NFIC: variants seen among roughly 807,000 people sequenced by gnomAD.
NFIC encodes the protein nuclear factor 1 C-type.
NFIC carries 12 observed loss-of-function variants against 54.4 expected under a neutral mutation model. The ratio of observed to expected loss-of-function variants is 0.22; its 90% CI spans 0.14 to 0.36. NFIC has a LOEUF of 0.36. Among genes scored for constraint, NFIC ranks in the 10% least tolerant of loss-of-function variants. The pLI is 1.00. For missense variants in NFIC, 575 were observed against 718.2 expected, an observed-to-expected ratio of 0.80 and a Z score of 2.28; for synonymous variants, 322 against 319.2, an observed-to-expected ratio of 1.01 and a Z score of -0.09.
intron 2 of NFIC, among the ~76,000 whole-genome samples, chr19:3,392,429 C>A (rs1229392610): frequency 6.6e-6 from 1 of 152,220 alleles, no homozygotes; most frequent in Non-Finnish European, 1.5e-5. Context: ...GTGCTGGGAA[C>A]TGGTAGGCTC....
At chr19:3,408,684 C>T (rs1349276834) in intron 2 of NFIC, among the ~76,000 whole-genome samples, 28 of 152,262 alleles carry the variant, frequency 1.8e-4, no homozygotes, top group Non-Finnish European at 3.4e-4. Context: ...TCACTACAAC[C>T]TCCGCCTCCT....
At chr19:3,406,155 C>T (rs1377187544) in intron 2 of NFIC, among the ~76,000 whole-genome samples, 3 of 152,032 alleles carry the variant, frequency 2.0e-5, no homozygotes, top group Admixed American at 6.6e-5. Context: ...TGCAATGGCA[C>T]GATTTTGGCT....
At chr19:3,363,930 C>A (rs1026426866), upstream of NFIC, among the ~76,000 whole-genome samples, 4 of 152,234 alleles carry the variant, frequency 2.6e-5, no homozygotes, top group Admixed American at 6.5e-5. Flanking sequence ...TCTGTCCCCC[C>A]ACTTGTCTCT....
At chr19:3,361,972 C>T (rs1233288515), upstream of NFIC, among the ~76,000 whole-genome samples, 5 of 152,166 alleles carry the variant, frequency 3.3e-5, no homozygotes, top group Non-Finnish European at 5.9e-5. Flanking sequence ...CACACACAGG[C>T]GTGCACAGAC....
At chr19:3,435,050 G>A (rs1447308569) in intron 5 of NFIC, 33 bp from the exon 6 acceptor site, 1 of 1,546,312 alleles carries the variant, frequency 6.5e-7, no homozygotes, top group South Asian at 1.2e-5. Context: ...CGTCTCCCTG[G>A]TAACCAGCCT....
At chr19:3,389,236 G>A (rs566967519) in intron 2 of NFIC, among the ~76,000 whole-genome samples, 2 of 152,286 alleles carry the variant, frequency 1.3e-5, no homozygotes, top group African/African-American at 2.4e-5. Context: ...CCCTGAGCTT[G>A]ATGGCAGGAG....
chr19:3,379,997 TTTTTG>T, intron 1 of NFIC, among the ~76,000 whole-genome samples: 1 of 150,824 alleles, frequency 6.6e-6, no homozygotes, highest in South Asian at 2.1e-4. Context: ...CCCTAGTTTT[TTTTTG>T]TTTTGTTTTG....
chr19:3,386,146 G>A (rs541932992), intron 2 of NFIC, among the ~76,000 whole-genome samples: 1 of 151,842 alleles, frequency 6.6e-6, no homozygotes, highest in South Asian at 2.1e-4. Context: ...CAGCACTTTG[G>A]GAGGCCAAGG....
At chr19:3,391,271 A>C (rs2081373088) in intron 2 of NFIC, among the ~76,000 whole-genome samples, 2 of 152,202 alleles carry the variant, frequency 1.3e-5, no homozygotes, top group African/African-American at 4.8e-5. Context: ...ACCCCCACCA[A>C]AAAATGGTAA....
Position 3,463,620 on chromosome 19 carries a change from G to GCCCCCCCC in NFIC, c.*855_*856insCCCCCCCC. On this transcript the variant is annotated 3_prime_UTR_variant, in exon 11 of 11. Transcript: ENST00000443272. ...AGAAGTCTCTATGCAATTGGCCCCG[G>GCCCCCCCC]CCCCTCCACCCCCCACCCCCGGCAT... 1.1e-6 allele frequency: 1 copy of GCCCCCCCC among 881,820 alleles called. No homozygotes were observed. Among genetic ancestry groups the GCCCCCCCC allele is most frequent in the Non-Finnish European group, 1.4e-6 (1 of 738,566 alleles). The allele number at this position is 881,820 out of a possible 1,614,324, so 54.6% of individuals were successfully genotyped here.
intron 6 of NFIC, among the ~76,000 whole-genome samples, chr19:3,438,162 A>G (rs2082234489): frequency 6.6e-6 from 1 of 152,222 alleles, no homozygotes; most frequent in Admixed American, 6.5e-5. Flanking sequence ...TAAAGAATCT[A>G]GCTTTCAACA....
rs1261271127 is a variant in NFIC, at chr19:3,369,305, C to T, written c.30+2639C>T. Among the ~76,000 whole-genome samples, 1 of 151,446 alleles carries T rather than the reference C, an allele frequency of 6.6e-6. No homozygotes were observed. The highest frequency in any genetic ancestry group is 2.4e-5 in the African/African-American group (1 of 41,330). On this transcript the variant is annotated intron_variant, in intron 1 of 10. Transcript: ENST00000443272. The surrounding 1 kb of genome is among the most constrained non-coding windows in gnomAD (Gnocchi z 4.3). ...ATCTCTGTCTCACCTTCCCTTTCTC[C>T]TCTGTCTCTGCGTGTCTCCCCTTGC... is the stretch of plus-strand genomic sequence containing the variant.
intron 2 of NFIC, among the ~76,000 whole-genome samples, chr19:3,422,966 G>A (rs2081975237): frequency 6.6e-6 from 1 of 152,090 alleles, no homozygotes. Context: ...GGAGGCCGAG[G>A]CGGGCGGATC....
At chr19:3,408,003 G>T (rs560932322) in intron 2 of NFIC, among the ~76,000 whole-genome samples, 5 of 152,176 alleles carry the variant, frequency 3.3e-5, no homozygotes, top group Admixed American at 3.3e-4. Context: ...AAAAATGGCC[G>T]GTGACACCCA....
chr19:3,385,201 AC>A lies in NFIC; in HGVS notation c.562+2967del, dbSNP rs397826497. Among the ~76,000 whole-genome samples the A allele has an allele frequency of 9.2e-4, 95 of 102,850 alleles. 1 individual carries two copies. The highest frequency in any genetic ancestry group is 4.6e-3 in the Middle Eastern group (1 of 218). The allele number at this position is 102,850 out of a possible 152,430, so 67.5% of individuals were successfully genotyped here. A position where few individuals can be genotyped will look rare whatever the true frequency, so the allele number is the denominator to read the frequency against. On this transcript the variant is annotated intron_variant, in intron 2 of 10. Transcript: ENST00000443272. ...CCCCCAATTGGCCCCAGCAGGGCAC[AC>A]CCCCCCCCAACCCTCCCACCTGCCC... is the stretch of plus-strand genomic sequence containing the variant.
At chr19:3,405,019 G>A (rs1177515114) in intron 2 of NFIC, among the ~76,000 whole-genome samples, 1 of 152,186 alleles carries the variant, frequency 6.6e-6, no homozygotes, top group Non-Finnish European at 1.5e-5. Context: ...GCAGGACACC[G>A]AGGCGTCCAC....
At chr19:3,381,026 G>T (rs533335507) in intron 1 of NFIC, among the ~76,000 whole-genome samples, 37 of 152,194 alleles carry the variant, frequency 2.4e-4, no homozygotes, top group African/African-American at 8.9e-4. Context: ...TTACCCGTCT[G>T]TACAATGGGT....
chr19:3,371,388 G>T (rs1038274581), intron 1 of NFIC: 2 of 149,564 alleles, frequency 1.3e-5, no homozygotes, highest in Non-Finnish European at 2.9e-5. Context: ...GCAGCGGTGC[G>T]ATCTTGGCTC....
In NFIC at chr19:3,462,796, TC is replaced by T. The variant is rs1235249998; in HGVS notation, c.*29del. 2 of 1,613,740 alleles carry T rather than the reference TC, an allele frequency of 1.2e-6. No homozygotes were observed. Among genetic ancestry groups the T allele is most frequent in the Non-Finnish European group, 1.7e-6 (2 of 1,179,918 alleles). ...AAAGGTCTTCTTCCCTCGCCCCTTC[TC>T]CATCGTCCCAGGAATCCCAGGGGGC... On this transcript the variant is annotated 3_prime_UTR_variant, in exon 11 of 11. Transcript: ENST00000443272.
Sources: gnomAD v4.1 joint callset for allele counts (sites outside exome capture counted in the v4.1 genomes callset) on GRCh38, gnomAD v4.1.1 for gene constraint, Gnocchi (gnomAD v3.1) non-coding constraint, MANE v1.5 for transcripts, NCBI Gene and HGNC (gene_info 2026-07-23, HGNC 2026-07-21) for gene names.